The following TENM2 variants were observed in gnomAD, a reference collection of about 807,000 sequenced individuals.
TENM2 encodes the protein teneurin-2.
In TENM2, 52 loss-of-function variants were observed where a neutral mutation model predicts 245.2. The ratio of observed to expected loss-of-function variants is 0.21; its 90% confidence interval spans 0.17 to 0.27. The LOEUF (loss-of-function observed/expected upper bound fraction) is 0.27, where lower values mean the gene tolerates loss of function less well. TENM2 is among the 10% of genes least tolerant of loss of function. The probability of loss-of-function intolerance (pLI) is 1.00; values close to 1 mark genes in which losing one functional copy is unlikely to be tolerated. For missense variants in TENM2, 3,046 were observed against 3,666.8 expected (o/e 0.83, Z 4.37); for synonymous variants, 1,363 against 1,438.9 (o/e 0.95, Z 1.19).
intron 12 of TENM2, among the ~76,000 whole-genome samples, chr5:168,161,904 G>A (rs565018914): frequency 3.3e-5 from 5 of 151,628 alleles, no homozygotes; most frequent in South Asian, 2.1e-4. Context: ...ACCCTTCCCC[G>A]AGCACATATA....
At chr5:167,767,045 T>C (rs1278485723) in intron 2 of TENM2, among the ~76,000 whole-genome samples, 2 of 152,202 alleles carry the variant, frequency 1.3e-5, no homozygotes, top group Non-Finnish European at 2.9e-5. Flanking sequence ...TCCACTTTTG[T>C]ATGTATACTT....
intron 2 of TENM2, among the ~76,000 whole-genome samples, chr5:167,792,076 A>T (rs1765017507): frequency 6.6e-6 from 1 of 152,182 alleles, no homozygotes. Flanking sequence ...TGCTTCTATC[A>T]AAAGTGGACA....
At chr5:167,835,464 C>T (rs1768903552) in intron 2 of TENM2, among the ~76,000 whole-genome samples, 1 of 152,176 alleles carries the variant, frequency 6.6e-6, no homozygotes, top group African/African-American at 2.4e-5. Context: ...TTCCTTTAAT[C>T]CTTTACTTAT....
intron 2 of TENM2, among the ~76,000 whole-genome samples, chr5:167,724,179 G>A (rs901287673): frequency 2.6e-4 from 40 of 152,232 alleles, no homozygotes; most frequent in Admixed American, 1.9e-3. Context: ...AGCACAAATA[G>A]CAAACTTTCT....
intron 4 of TENM2, among the ~76,000 whole-genome samples, chr5:167,987,024 A>G (rs1465264132): frequency 6.6e-6 from 1 of 152,228 alleles, no homozygotes; most frequent in Non-Finnish European, 1.5e-5. Flanking sequence ...TTGGAAGAAT[A>G]GTACCATGTA....
intron 1 of TENM2, among the ~76,000 whole-genome samples, chr5:167,344,282 GCACACACA>G (rs3067278): frequency 1.5e-4 from 20 of 134,526 alleles, no homozygotes; most frequent in East Asian, 4.3e-4. Flanking sequence ...GCACGTGCAC[GCACACACA>G]CACACACACA....
chr5:167,383,116 G>A (rs1408201800), intron 2 of TENM2, among the ~76,000 whole-genome samples: 1 of 152,100 alleles, frequency 6.6e-6, no homozygotes, highest in Admixed American at 6.6e-5. Flanking sequence ...GTGTGTCTGT[G>A]TTGTGTGTGC....
intron 1 of TENM2, among the ~76,000 whole-genome samples, chr5:167,314,842 A>AT (rs1187018311): frequency 1.1e-4 from 17 of 151,964 alleles, no homozygotes; most frequent in Admixed American, 4.6e-4. Flanking sequence ...AATAGTTTTC[A>AT]TTTTTTTCAT....
chr5:167,687,642 C>G (rs1757161178), intron 2 of TENM2, among the ~76,000 whole-genome samples: 1 of 152,054 alleles, frequency 6.6e-6, no homozygotes, highest in African/African-American at 2.4e-5. Flanking sequence ...TCTAAATGAT[C>G]AAGGTACTTT....
At chr5:167,943,643 G>A (rs1481379969) in intron 3 of TENM2, among the ~76,000 whole-genome samples, 1 of 152,162 alleles carries the variant, frequency 6.6e-6, no homozygotes, top group Non-Finnish European at 1.5e-5. Flanking sequence ...AATTTTTGAT[G>A]CAATTCTCTG....
chr5:167,960,196 C>T (rs1780893413), intron 4 of TENM2, among the ~76,000 whole-genome samples: 1 of 152,222 alleles, frequency 6.6e-6, no homozygotes, highest in African/African-American at 2.4e-5. Context: ...AGGAGGCAGT[C>T]TTTCCCTTAG....
chr5:168,035,661 G>T (rs569902223), intron 5 of TENM2, among the ~76,000 whole-genome samples: 1 of 152,312 alleles, frequency 6.6e-6, no homozygotes, highest in South Asian at 2.1e-4. Flanking sequence ...CTTTCTGACA[G>T]ATCTAGAGCA....
chr5:167,697,420 A>G (rs1258086144), intron 2 of TENM2, among the ~76,000 whole-genome samples: 1 of 152,232 alleles, frequency 6.6e-6, no homozygotes, highest in Non-Finnish European at 1.5e-5. Flanking sequence ...TCTGTTGACT[A>G]GATTATAAGC....
At chr5:167,521,675 C>T (rs886509811) in intron 2 of TENM2, among the ~76,000 whole-genome samples, 1 of 152,030 alleles carries the variant, frequency 6.6e-6, no homozygotes, top group African/African-American at 2.4e-5. Context: ...TTAGGGAGTT[C>T]TGGGATCAGC....
intron 14 of TENM2, among the ~76,000 whole-genome samples, chr5:168,193,579 T>C (rs1469780084): frequency 1.3e-5 from 2 of 152,232 alleles, no homozygotes; most frequent in African/African-American, 4.8e-5. Context: ...CAGGCAGCAC[T>C]ACTCCTGTTA....
intron 2 of TENM2, among the ~76,000 whole-genome samples, chr5:167,614,817 G>A (rs2127757076): frequency 6.6e-6 from 1 of 152,182 alleles, no homozygotes. Context: ...CTGTCCCCTG[G>A]CAGTTAGTTT....
intron 3 of TENM2, among the ~76,000 whole-genome samples, chr5:167,896,410 T>C (rs1775227457): frequency 6.6e-6 from 1 of 152,190 alleles, no homozygotes; most frequent in Non-Finnish European, 1.5e-5. Context: ...TTGTCTGCCT[T>C]CCGTGGATTA....
intron 9 of TENM2, among the ~76,000 whole-genome samples, chr5:168,113,726 T>C (rs1274992409): frequency 2.0e-5 from 3 of 152,312 alleles, no homozygotes; most frequent in African/African-American, 7.2e-5. Flanking sequence ...AACTTGTCAG[T>C]TATTAGTGGT....
the TENM2 span, among the ~76,000 whole-genome samples, chr5:167,154,379 C>T: frequency 6.6e-6 from 1 of 152,160 alleles, no homozygotes; most frequent in Non-Finnish European, 1.5e-5. Context: ...AACACTTCTA[C>T]ATTGCCTTGT....
Sources: gnomAD v4.1 joint callset for allele counts (sites outside exome capture counted in the v4.1 genomes callset) on GRCh38, gnomAD v4.1.1 for gene constraint, MANE v1.5 for transcripts, NCBI Gene and HGNC (gene_info 2026-07-23, HGNC 2026-07-21) for gene names.